Variants in PCDHGB3 observed in about 807,000 individuals in gnomAD.
The protein encoded by PCDHGB3 is protocadherin gamma subfamily B, 3.
Under a neutral mutation model 59.2 loss-of-function variants are expected in PCDHGB3, and 40 were observed. That is an observed-to-expected ratio of 0.68 (90% CI 0.52 to 0.88). PCDHGB3 has a LOEUF of 0.88. Ranked by LOEUF, PCDHGB3 falls within the 40% of genes least tolerant of loss-of-function variation. PCDHGB3 has a pLI of 0.00. For synonymous variants in PCDHGB3, 581 were observed against 503.6 expected (o/e 1.15, Z -2.06); for missense variants, 1,309 against 1,187.9 (o/e 1.10, Z -1.50).
At chr5:141,394,471 T>C (rs2093007845) in intron 1 of PCDHGB3, 3 of 1,614,250 alleles carry the variant, frequency 1.9e-6, no homozygotes, top group Non-Finnish European at 2.5e-6. Flanking sequence ...CTGTTCGTGC[T>C]GGACCAGAAT....
chr5:141,430,865 C>A, intron 1 of PCDHGB3: 2 of 1,595,350 alleles, frequency 1.3e-6, no homozygotes, highest in Non-Finnish European at 1.7e-6. Flanking sequence ...CTATTCAGTT[C>A]CGGAAGAGCT....
In PCDHGB3 at chr5:141,432,508, G is replaced by A. The variant is rs1306067848; in HGVS notation, c.2415+59699G>A. ...TGGAGCTGGCTCCCCGCTCCGCAGA[G>A]CCCGGCTACCTGGTGACCAAGGTGG... On this transcript the variant is annotated intron_variant, in intron 1 of 3. Coordinates refer to ENST00000576222, the MANE Select transcript of PCDHGB3 (RefSeq NM_018924.5). This position sits in a 1 kb window ranked among gnomAD's most constrained non-coding sequence, Gnocchi z 6.0. The A allele has an allele frequency of 1.9e-6, 3 of 1,614,136 alleles. No individual in the cohort carries two copies. Among genetic ancestry groups the A allele is most frequent in the Non-Finnish European group, 2.5e-6 (3 of 1,180,034 alleles).
At chr5:141,416,217 G>A (rs1224952837) in intron 1 of PCDHGB3, 1 of 152,288 alleles carries the variant, frequency 6.6e-6, no homozygotes, top group Non-Finnish European at 1.5e-5. Flanking sequence ...AACAATGTAT[G>A]CTTAGATTTT....
intron 1 of PCDHGB3, chr5:141,433,042 G>A (rs752612411): frequency 6.2e-6 from 10 of 1,614,142 alleles, no homozygotes; most frequent in Non-Finnish European, 7.6e-6. Flanking sequence ...CCCTCACCAC[G>A]GACTCGCGGA....
chr5:141,385,657 C>T, intron 1 of PCDHGB3: 1 of 611,856 alleles, frequency 1.6e-6, no homozygotes, highest in Admixed American at 4.9e-5. Context: ...ACAAGGTTAG[C>T]AGGAATAAAA....
intron 1 of PCDHGB3, among the ~76,000 whole-genome samples, chr5:141,465,041 C>T (rs2099095802): frequency 6.6e-6 from 1 of 151,856 alleles, no homozygotes; most frequent in Non-Finnish European, 1.5e-5. Flanking sequence ...CACAAATGAC[C>T]CTATATATTT....
chr5:141,454,998 G>C (rs909142112), intron 1 of PCDHGB3, among the ~76,000 whole-genome samples: 27 of 151,220 alleles, frequency 1.8e-4, no homozygotes, highest in African/African-American at 5.8e-4. Context: ...ATTTTTAGTA[G>C]AGACGGGGTT....
chr5:141,509,051 A>G (rs1051961974), intron 3 of PCDHGB3, among the ~76,000 whole-genome samples: 1 of 152,166 alleles, frequency 6.6e-6, no homozygotes, highest in Admixed American at 6.5e-5. Context: ...CCCCGCCCCC[A>G]GAAAGCTCTC....
Position 141,475,971 on chromosome 5 carries a change from C to G in PCDHGB3, c.2416-18836C>G, listed in dbSNP as rs750016455. On this transcript the variant is annotated intron_variant, in intron 1 of 3. Coordinates refer to ENST00000576222, the MANE Select transcript of PCDHGB3 (RefSeq NM_018924.5). The stretch of plus-strand genomic sequence containing the variant: ...TCTGCGCCCCGGGATGAGGCAGAGA[C>G]TGAACAGCCGGCGAGCAAATCAACG... 2.5e-5 allele frequency: 24 copies of G among 954,292 alleles called. No individual in the cohort carries two copies. In the African/African-American group the frequency reaches 3.4e-4, roughly 14 times the overall value. 59.1% of individuals were successfully genotyped at this position (954,292 alleles called of 1,614,324 possible). A position where few individuals can be genotyped will look rare whatever the true frequency, so the allele number is the denominator to read the frequency against.
chr5:141,476,978 C>A lies in PCDHGB3; in HGVS notation c.2416-17829C>A, dbSNP rs1468851988. The A allele has an allele frequency of 2.5e-6, 4 of 1,614,138 alleles. No individual in the cohort carries two copies. Among genetic ancestry groups the A allele is most frequent in the Admixed American group, 3.3e-5 (2 of 60,012 alleles). On this transcript the variant is annotated intron_variant, in intron 1 of 3. Transcript: ENST00000576222. This position sits in a 1 kb window ranked among gnomAD's most constrained non-coding sequence, Gnocchi z 7.6. ...TATTTACTCCTTCGGCAGCCACAAC[C>A]GCGCCGGCGTGCGGCAACTATTCGC...
chr5:141,414,778 C>G, intron 1 of PCDHGB3: 5 of 1,614,202 alleles, frequency 3.1e-6, no homozygotes, highest in Non-Finnish European at 3.4e-6. Context: ...GCTACAGATG[C>G]AGGTGACAGC....
chr5:141,377,400 G>A (rs1463331041), intron 1 of PCDHGB3: 1 of 152,108 alleles, frequency 6.6e-6, no homozygotes, highest in Non-Finnish European at 1.5e-5. Context: ...GAGACCAGGA[G>A]TTTGAGACCA....
chr5:141,399,314 A>C (rs1309292354), intron 1 of PCDHGB3: 9 of 1,613,988 alleles, frequency 5.6e-6, no homozygotes, highest in Non-Finnish European at 1.7e-6. Context: ...TCATCCAAAA[A>C]TTCGTATAAG....
At position 141,476,669 on chromosome 5, in the gene PCDHGB3, C is replaced by G; in HGVS notation, c.2416-18138C>G. ...AAATGAATACTTTGCGCTTCGCGTGCAGACGCGGGAGGACAGCACCAAGTA... is the reference window on the plus strand; with the variant it reads ...AAATGAATACTTTGCGCTTCGCGTGGAGACGCGGGAGGACAGCACCAAGTA... On this transcript the variant is annotated intron_variant, in intron 1 of 3. Coordinates refer to ENST00000576222, the MANE Select transcript of PCDHGB3 (RefSeq NM_018924.5). This position sits in a 1 kb window ranked among gnomAD's most constrained non-coding sequence, Gnocchi z 7.6. 6.2e-7 allele frequency: 1 copy of G among 1,614,246 alleles called. No individual in the cohort carries two copies. The highest frequency in any genetic ancestry group is 1.1e-5 in the South Asian group (1 of 91,086).
chr5:141,405,467 T>G lies in PCDHGB3; in HGVS notation c.2415+32658T>G. On this transcript the variant is annotated intron_variant, in intron 1 of 3. Transcript: ENST00000576222. The stretch of plus-strand genomic sequence containing the variant: ...CAGAGTCTTACTCTGTTACCCAGGC[T>G]GGAATGCAGTGGTGTGATCTCGGCT... 3.6e-6 allele frequency: 4 copies of G among 1,103,716 alleles called. No individual in the cohort carries two copies. The South Asian group carries it at 6.1e-5, about 17-fold the overall frequency. 68.4% of individuals were successfully genotyped at this position (1,103,716 alleles called of 1,614,324 possible). A position where few individuals can be genotyped will look rare whatever the true frequency, so the allele number is the denominator to read the frequency against.
At chr5:141,469,233 C>T (rs2099194657) in intron 1 of PCDHGB3, among the ~76,000 whole-genome samples, 1 of 149,878 alleles carries the variant, frequency 6.7e-6, no homozygotes, top group African/African-American at 2.5e-5. Context: ...GCCATGATCA[C>T]CCCACTGCAC....
intron 1 of PCDHGB3, chr5:141,400,525 G>C: frequency 2.5e-6 from 4 of 1,613,908 alleles, no homozygotes; most frequent in Non-Finnish European, 2.5e-6. Flanking sequence ...TCCTGAGTTG[G>C]TGAGTTTCAT....
intron 2 of PCDHGB3, among the ~76,000 whole-genome samples, chr5:141,495,587 C>T (rs1391263118): frequency 6.6e-6 from 1 of 152,238 alleles, no homozygotes. Context: ...TTCTCCATCT[C>T]TGTCTTAGCT....
At position 141,431,387 on chromosome 5, in the gene PCDHGB3, C is replaced by T; in HGVS notation, c.2415+58578C>T. The T allele has an allele frequency of 1.9e-6, 3 of 1,613,938 alleles. 1 individual carries two copies. The South Asian group carries it at 3.3e-5, about 18-fold the overall frequency. Reference sequence around the variant, plus strand: ...CCGCGAAGAAAAGGCTGCTCACCACCTGGTCCTTACGGCCTCCGACGGGGG... The same window carrying T: ...CCGCGAAGAAAAGGCTGCTCACCACTTGGTCCTTACGGCCTCCGACGGGGG... On this transcript the variant is annotated intron_variant, in intron 1 of 3. Coordinates refer to ENST00000576222, the MANE Select transcript of PCDHGB3 (RefSeq NM_018924.5). This position sits in a 1 kb window ranked among gnomAD's most constrained non-coding sequence, Gnocchi z 4.8.
Sources: allele counts gnomAD v4.1 joint callset (sites outside exome capture counted in the v4.1 genomes callset), GRCh38; gene constraint gnomAD v4.1.1; non-coding constraint Gnocchi (gnomAD v3.1); transcripts MANE v1.5; gene names NCBI Gene and HGNC (gene_info 2026-07-23, HGNC 2026-07-21).